The following MAPK10 variants were observed in gnomAD, a reference collection of about 807,000 sequenced individuals.
MAPK10 encodes mitogen-activated protein kinase 10.
MAPK10 carries 25 observed loss-of-function variants against 59.3 expected under a neutral mutation model. The observed-to-expected ratio is 0.42, with a 90% CI of 0.31 to 0.59. The LOEUF (loss-of-function observed/expected upper bound fraction) is 0.59, where lower values mean the gene tolerates loss of function less well. Ranked by LOEUF, MAPK10 falls within the 20% of genes least tolerant of loss-of-function variation. The pLI, the probability that MAPK10 is intolerant of heterozygous loss-of-function variation, is 0.15. For missense variants in MAPK10, 351 were observed against 568.9 expected, an observed-to-expected ratio of 0.62 and a Z score of 3.90; for synonymous variants, 190 against 200.5, an observed-to-expected ratio of 0.95 and a Z score of 0.44.
intron 2 of MAPK10, among the ~76,000 whole-genome samples, chr4:86,197,967 T>C (rs962640095): frequency 6.6e-6 from 1 of 152,158 alleles, no homozygotes; most frequent in Admixed American, 6.6e-5. Flanking sequence ...AACCTGATTA[T>C]GTCAAGGTAA....
chr4:86,392,794 T>C (rs941370348), intron 1 of MAPK10, among the ~76,000 whole-genome samples: 2 of 152,078 alleles, frequency 1.3e-5, no homozygotes, highest in Admixed American at 1.3e-4. Context: ...AAGGAGGAAG[T>C]GGCTGGTGAC....
At chr4:86,355,419 C>G (rs1248616313) in intron 1 of MAPK10, among the ~76,000 whole-genome samples, 1 of 152,080 alleles carries the variant, frequency 6.6e-6, no homozygotes, top group African/African-American at 2.4e-5. Flanking sequence ...CCATTGTCAC[C>G]TACCATCACT....
At chr4:86,203,976 C>G (rs1290719460) in intron 2 of MAPK10, among the ~76,000 whole-genome samples, 2 of 151,832 alleles carry the variant, frequency 1.3e-5, no homozygotes, top group African/African-American at 2.4e-5. Flanking sequence ...TATGGTCCAT[C>G]AGTCAAATTC....
intron 1 of MAPK10, among the ~76,000 whole-genome samples, chr4:86,448,819 A>C (rs1323838898): frequency 6.6e-6 from 1 of 152,140 alleles, no homozygotes; most frequent in African/African-American, 2.4e-5. Flanking sequence ...TACACAACTC[A>C]CCATAATGTA....
Position 86,029,244 on chromosome 4 carries a change from T to C in MAPK10, c.1205A>G (p.Glu402Gly). The change falls in exon 13 of 14, where the codon GAA becomes GGA. Residue 402 changes from glutamate (E) to glycine (G), a missense_variant. By Grantham distance (98) the Glu-to-Gly change is moderately conservative. Coordinates refer to ENST00000641462, the MANE Select transcript of MAPK10 (RefSeq NM_138982.4). ...TACTACACCATTTTTAGTCTTTTCT[T>C]CTGAATTCATTACTTCCTTGTAGAT... Reference protein sequence around the residue: ...ELIYKEVMNSEEKTKNGVVKG... With the variant: ...ELIYKEVMNSGEKTKNGVVKG... 4 of 1,611,154 alleles carry C rather than the reference T, an allele frequency of 2.5e-6. No homozygotes were observed. The highest frequency in any genetic ancestry group is 3.4e-6 in the Non-Finnish European group (4 of 1,177,718).
At chr4:86,586,487 C>T (rs1762660718) in intron 1 of MAPK10, among the ~76,000 whole-genome samples, 1 of 152,226 alleles carries the variant, frequency 6.6e-6, no homozygotes, top group Non-Finnish European at 1.5e-5. Flanking sequence ...TCCAGTATCT[C>T]TCTCCTTTAG....
chr4:86,266,900 T>C (rs1200725895), intron 2 of MAPK10, among the ~76,000 whole-genome samples: 1 of 152,056 alleles, frequency 6.6e-6, no homozygotes, highest in Non-Finnish European at 1.5e-5. Flanking sequence ...TTACATTTTA[T>C]TATATATAGA....
chr4:86,362,370 CTTGCAGTAGGCAA>C, upstream of MAPK10, among the ~76,000 whole-genome samples: 1 of 151,594 alleles, frequency 6.6e-6, no homozygotes, highest in Admixed American at 6.6e-5. Context: ...GCTTTCTGAC[CTTGCAGTAGGCAA>C]AGATTTCTTA....
At chr4:86,114,960 C>T (rs1332856854) in intron 4 of MAPK10, among the ~76,000 whole-genome samples, 2 of 152,240 alleles carry the variant, frequency 1.3e-5, no homozygotes, top group Non-Finnish European at 2.9e-5. Flanking sequence ...CTGCCACAGC[C>T]ACTGTGATGT....
intron 2 of MAPK10, among the ~76,000 whole-genome samples, chr4:86,295,768 T>A (rs1205567905): frequency 6.9e-5 from 10 of 144,098 alleles, no homozygotes; most frequent in Non-Finnish European, 1.4e-4. Context: ...TATATATATT[T>A]TATATATATA....
intron 1 of MAPK10, among the ~76,000 whole-genome samples, chr4:86,424,180 T>C (rs1746957635): frequency 6.6e-6 from 1 of 152,232 alleles, no homozygotes. Context: ...AGTCTTTTTT[T>C]TTCAAATCTT....
intron 1 of MAPK10, among the ~76,000 whole-genome samples, chr4:86,415,195 A>G (rs1317549341): frequency 6.6e-6 from 1 of 151,528 alleles, no homozygotes; most frequent in Admixed American, 6.6e-5. Flanking sequence ...TGCCTTGTAT[A>G]CTCATCATGT....
intron 2 of MAPK10, among the ~76,000 whole-genome samples, chr4:86,267,435 G>A (rs886309821): frequency 5.3e-5 from 8 of 152,168 alleles, no homozygotes; most frequent in African/African-American, 1.9e-4. Flanking sequence ...GCCACTTGGA[G>A]GTCTAGAAAT....
intron 4 of MAPK10, among the ~76,000 whole-genome samples, chr4:86,137,135 A>C (rs1301982725): frequency 6.6e-6 from 1 of 150,776 alleles, no homozygotes; most frequent in Non-Finnish European, 1.5e-5. Flanking sequence ...ACGAGACAGA[A>C]GGTCAACAAG....
upstream of MAPK10, among the ~76,000 whole-genome samples, chr4:86,456,751 C>T (rs759348235): frequency 3.3e-5 from 5 of 152,148 alleles, no homozygotes; most frequent in Non-Finnish European, 2.9e-5. Flanking sequence ...GATACCAATT[C>T]GATTGACACT....
At chr4:86,454,895 C>T (rs900274604), upstream of MAPK10, among the ~76,000 whole-genome samples, 20 of 152,024 alleles carry the variant, frequency 1.3e-4, no homozygotes, top group African/African-American at 4.8e-4. Context: ...TACCAGGTAA[C>T]CTATAAAGGA....
At chr4:86,087,748 TTTTTC>T (rs2149043200) in intron 9 of MAPK10, among the ~76,000 whole-genome samples, 1 of 152,200 alleles carries the variant, frequency 6.6e-6, no homozygotes, top group Admixed American at 6.5e-5. Context: ...TTTCCAGAAC[TTTTTC>T]TTTTAATATG....
intron 2 of MAPK10, among the ~76,000 whole-genome samples, chr4:86,272,163 A>T (rs1046227352): frequency 6.6e-6 from 1 of 152,090 alleles, no homozygotes; most frequent in Admixed American, 6.6e-5. Context: ...TGCAAAGGAC[A>T]TGATTTCATT....
intron 2 of MAPK10, among the ~76,000 whole-genome samples, chr4:86,257,708 A>G (rs10021706): frequency 0.43 from 65,461 of 151,946 alleles, 15,962 homozygotes; most frequent in African/African-American, 0.66. Flanking sequence ...TACCTAGAAC[A>G]ATTCCATTTT....
Sources: gnomAD v4.1 joint callset for allele counts (sites outside exome capture counted in the v4.1 genomes callset) on GRCh38, gnomAD v4.1.1 for gene constraint, MANE v1.5 for transcripts, NCBI Gene and HGNC (gene_info 2026-07-23, HGNC 2026-07-21) for gene names.